Variants in GRIA1 observed in about 807,000 individuals in gnomAD.
GRIA1 encodes the protein glutamate receptor 1.
GRIA1 carries 31 observed loss-of-function variants against 99.2 expected under a neutral mutation model. That is an observed-to-expected ratio of 0.31 (90% CI 0.23 to 0.42). The LOEUF (loss-of-function observed/expected upper bound fraction) is 0.42, where lower values mean the gene tolerates loss of function less well. GRIA1 is among the 10% of genes least tolerant of loss of function. The pLI, the probability that GRIA1 is intolerant of heterozygous loss-of-function variation, is 1.00. For missense variants in GRIA1, 782 were observed against 1,157.5 expected (o/e 0.68, Z 4.71); for synonymous variants, 438 against 432.4 (o/e 1.01, Z -0.16).
chr5:153,698,704 G>A (rs1351891249), intron 9 of GRIA1, among the ~76,000 whole-genome samples, 163 bp from the exon 10 acceptor site: 2 of 152,212 alleles, frequency 1.3e-5, no homozygotes, highest in Non-Finnish European at 2.9e-5. Flanking sequence ...AACACAAGAA[G>A]CTTGTAATGG....
chr5:153,649,881 T>C (rs982172022), intron 3 of GRIA1, among the ~76,000 whole-genome samples: 3 of 152,208 alleles, frequency 2.0e-5, no homozygotes, highest in Non-Finnish European at 2.9e-5. Context: ...AGATGCTAGG[T>C]TGGCACATTT....
intron 13 of GRIA1, among the ~76,000 whole-genome samples, chr5:153,775,918 G>C (rs1378058420): frequency 1.3e-5 from 2 of 151,778 alleles, no homozygotes; most frequent in Admixed American, 6.6e-5. Context: ...AAAAAAACAT[G>C]GGGCTTGTTT....
rs116333599 is a variant in GRIA1, at chr5:153,735,422, G to A, written c.1824-29012G>A. Among the ~76,000 whole-genome samples, 980 of 152,222 alleles carry A rather than the reference G, an allele frequency of 6.4e-3. 12 individuals are homozygous for A. Among genetic ancestry groups the A allele is most frequent in the African/African-American group, 0.022 (934 of 41,526 alleles). ...AGCAGGGGGTACCTGACTGGGGGTC[G>A]CATACACCAGTAATTAGAACGGAAC... On this transcript the variant is annotated intron_variant, in intron 11 of 15. Coordinates refer to ENST00000285900, the MANE Select transcript of GRIA1 (RefSeq NM_000827.4).
At chr5:153,625,435 C>A (rs11748478) in intron 2 of GRIA1, among the ~76,000 whole-genome samples, 12,547 of 152,260 alleles carry the variant, frequency 0.082, 609 homozygotes, top group Non-Finnish European at 0.11. Context: ...GAGTTCAGTG[C>A]CACCGGCATT....
At chr5:153,585,023 C>G (rs1407061367) in intron 2 of GRIA1, among the ~76,000 whole-genome samples, 2 of 152,188 alleles carry the variant, frequency 1.3e-5, no homozygotes, top group Non-Finnish European at 1.5e-5. Context: ...AACTGAATAC[C>G]TCCTATTCAA....
At chr5:153,509,084 G>A (rs1326084712) in intron 2 of GRIA1, among the ~76,000 whole-genome samples, 1 of 152,020 alleles carries the variant, frequency 6.6e-6, no homozygotes, top group Non-Finnish European at 1.5e-5. Context: ...ATGCTCATGG[G>A]GCAGAAAACA....
intron 2 of GRIA1, among the ~76,000 whole-genome samples, chr5:153,587,936 C>T (rs555478333): frequency 5.5e-4 from 83 of 152,272 alleles, no homozygotes; most frequent in African/African-American, 1.8e-3. Context: ...GAGTCTCTAA[C>T]AGGGCATTTG....
At chr5:153,761,445 TA>T (rs1198330091) in intron 11 of GRIA1, among the ~76,000 whole-genome samples, 1 of 151,826 alleles carries the variant, frequency 6.6e-6, no homozygotes, top group Non-Finnish European at 1.5e-5. Flanking sequence ...ATCAGGGAAA[TA>T]CAAATCAAAA....
At chr5:153,586,587 G>T (rs569704669) in intron 2 of GRIA1, among the ~76,000 whole-genome samples, 1 of 152,248 alleles carries the variant, frequency 6.6e-6, no homozygotes, top group South Asian at 2.1e-4. Context: ...AACAAAAGGG[G>T]AATAATGCAC....
intron 13 of GRIA1, among the ~76,000 whole-genome samples, chr5:153,788,059 G>A (rs755760700): frequency 4.0e-5 from 6 of 149,226 alleles, no homozygotes; most frequent in African/African-American, 7.5e-5. Context: ...CAGCCTGGGC[G>A]ACAGAGCAAG....
At chr5:153,566,862 G>A (rs909697503) in intron 2 of GRIA1, among the ~76,000 whole-genome samples, 3 of 151,488 alleles carry the variant, frequency 2.0e-5, no homozygotes, top group African/African-American at 7.3e-5. Context: ...GATTACAGGT[G>A]TGCACCACCA....
intron 13 of GRIA1, among the ~76,000 whole-genome samples, chr5:153,790,203 A>G (rs72804625): frequency 0.025 from 3,815 of 152,314 alleles, 67 homozygotes; most frequent in Non-Finnish European, 0.037. Flanking sequence ...AGTTTATAAC[A>G]AAAGGAACAC....
chr5:153,712,984 T>G (rs534101529), intron 11 of GRIA1, among the ~76,000 whole-genome samples: 1 of 152,316 alleles, frequency 6.6e-6, no homozygotes, highest in Admixed American at 6.5e-5. Flanking sequence ...GATTAAAGTT[T>G]GGAAGTCATT....
intron 2 of GRIA1, among the ~76,000 whole-genome samples, chr5:153,569,373 T>G (rs1487660142): frequency 6.6e-6 from 1 of 152,212 alleles, no homozygotes; most frequent in East Asian, 1.9e-4. Context: ...TCAGATCAGC[T>G]GGGTGGTAGG....
At chr5:153,696,283 A>G (rs887021149) in intron 8 of GRIA1, among the ~76,000 whole-genome samples, 1 of 152,220 alleles carries the variant, frequency 6.6e-6, no homozygotes, top group Non-Finnish European at 1.5e-5. Context: ...AGCACTTTAA[A>G]AAGTCCCTGA....
intron 2 of GRIA1, among the ~76,000 whole-genome samples, chr5:153,607,612 G>C (rs1765569969): frequency 6.6e-6 from 1 of 151,810 alleles, no homozygotes; most frequent in Non-Finnish European, 1.5e-5. Context: ...TGTTCTTCTA[G>C]TGCTTACACT....
chr5:153,699,532 G>A (rs1758360305), intron 10 of GRIA1, among the ~76,000 whole-genome samples: 1 of 152,118 alleles, frequency 6.6e-6, no homozygotes, highest in Non-Finnish European at 1.5e-5. Context: ...GTTCCCTAGA[G>A]TGCTCCCTTC....
At chr5:153,524,623 T>C (rs1028099154) in intron 2 of GRIA1, among the ~76,000 whole-genome samples, 1 of 152,248 alleles carries the variant, frequency 6.6e-6, no homozygotes, top group Non-Finnish European at 1.5e-5. Flanking sequence ...TTAATTGATA[T>C]AGTGTGTGCT....
chr5:153,510,407 C>A (rs1755949701), intron 2 of GRIA1, among the ~76,000 whole-genome samples: 1 of 152,072 alleles, frequency 6.6e-6, no homozygotes, highest in Non-Finnish European at 1.5e-5. Context: ...TTTGTTGATC[C>A]TAGTTTAAAG....
Sources: allele counts gnomAD v4.1 joint callset (sites outside exome capture counted in the v4.1 genomes callset), GRCh38; gene constraint gnomAD v4.1.1; transcripts MANE v1.5; gene names NCBI Gene and HGNC (gene_info 2026-07-23, HGNC 2026-07-21).